CDH13: variants seen among roughly 807,000 people sequenced by gnomAD.
CDH13 encodes the protein cadherin 13, also known as cadherin-13.
A neutral mutation model predicts 63.8 loss-of-function variants in CDH13; 24 were observed. That is an observed-to-expected ratio of 0.38 (90% confidence interval 0.27 to 0.53). The LOEUF is 0.53. CDH13 is among the 20% of genes least tolerant of loss of function. The pLI, the probability that CDH13 is intolerant of heterozygous loss-of-function variation, is 0.85. For synonymous variants in CDH13, 503 were observed against 355.3 expected, an observed-to-expected ratio of 1.42 and a Z score of -4.67; for missense variants, 1,049 against 903.1, an observed-to-expected ratio of 1.16 and a Z score of -2.07.
At chr16:83,612,115 A>G (rs965169200) in intron 8 of CDH13, among the ~76,000 whole-genome samples, 1 of 152,096 alleles carries the variant, frequency 6.6e-6, no homozygotes, top group Non-Finnish European at 1.5e-5. Flanking sequence ...GTGATATGAT[A>G]TCTATAATTA....
chr16:82,895,298 C>T (rs142013235), intron 2 of CDH13, among the ~76,000 whole-genome samples: 20 of 152,316 alleles, frequency 1.3e-4, no homozygotes, highest in African/African-American at 4.8e-4. Context: ...GACACCCACA[C>T]ATATACTCAA....
At chr16:82,655,536 T>G (rs975367500) in intron 1 of CDH13, among the ~76,000 whole-genome samples, 8 of 151,980 alleles carry the variant, frequency 5.3e-5, no homozygotes, top group African/African-American at 1.7e-4. Flanking sequence ...GGAGGCAGAT[T>G]AGGCTGCAGG....
chr16:82,988,737 G>T (rs1268791284), intron 2 of CDH13, among the ~76,000 whole-genome samples: 1 of 149,904 alleles, frequency 6.7e-6, no homozygotes, highest in Non-Finnish European at 1.5e-5. Context: ...ACTCCAGCCT[G>T]GGAGACAGAG....
At chr16:83,618,413 A>C (rs1198206981) in intron 8 of CDH13, among the ~76,000 whole-genome samples, 1 of 149,962 alleles carries the variant, frequency 6.7e-6, no homozygotes, top group African/African-American at 2.5e-5. Flanking sequence ...GAACAGAGAG[A>C]GACTCCAAAA....
intron 5 of CDH13, among the ~76,000 whole-genome samples, chr16:83,267,302 C>A (rs767501384): frequency 6.6e-6 from 1 of 152,160 alleles, no homozygotes; most frequent in African/African-American, 2.4e-5. Context: ...GGTTCTCTCC[C>A]TCTTCCTGCT....
intron 2 of CDH13, among the ~76,000 whole-genome samples, chr16:83,011,109 C>T (rs1405748242): frequency 1.3e-5 from 2 of 152,136 alleles, no homozygotes; most frequent in Non-Finnish European, 2.9e-5. Flanking sequence ...ATCTTTGGGG[C>T]TCAGTTTACT....
intron 6 of CDH13, among the ~76,000 whole-genome samples, chr16:83,406,101 C>T (rs1597946087): frequency 6.6e-6 from 1 of 152,148 alleles, no homozygotes; most frequent in Non-Finnish European, 1.5e-5. Context: ...AGCTAATGTC[C>T]TCAGAGGTGA....
intron 1 of CDH13, among the ~76,000 whole-genome samples, chr16:82,820,846 A>C (rs950013630): frequency 1.2e-4 from 19 of 152,206 alleles, no homozygotes; most frequent in African/African-American, 4.6e-4. Flanking sequence ...GGAGTATAAC[A>C]ACCAACGTTT....
chr16:83,620,174 C>T (rs1408551208), intron 8 of CDH13, among the ~76,000 whole-genome samples: 2 of 151,956 alleles, frequency 1.3e-5, no homozygotes, highest in African/African-American at 4.8e-5. Flanking sequence ...GGGTGGATCA[C>T]GAGGTCAAGA....
At chr16:82,860,256 G>A (rs1423687621) in intron 2 of CDH13, among the ~76,000 whole-genome samples, 1 of 151,998 alleles carries the variant, frequency 6.6e-6, no homozygotes, top group African/African-American at 2.4e-5. Flanking sequence ...GATTGCTTCT[G>A]TAATCTTCAC....
intron 5 of CDH13, among the ~76,000 whole-genome samples, chr16:83,301,282 C>T (rs2089736243): frequency 6.6e-6 from 1 of 152,074 alleles, no homozygotes; most frequent in Non-Finnish European, 1.5e-5. Flanking sequence ...CCGCCCGCCT[C>T]AGCCTCCCAA....
intron 7 of CDH13, chr16:83,508,545 G>C (rs1381724103): frequency 6.6e-6 from 1 of 152,538 alleles, no homozygotes; most frequent in Non-Finnish European, 1.5e-5. Context: ...CCAGGGAACA[G>C]CCATCAGCCT....
intron 8 of CDH13, among the ~76,000 whole-genome samples, chr16:83,604,446 A>G (rs907946542): frequency 1.3e-5 from 2 of 152,228 alleles, no homozygotes; most frequent in Admixed American, 6.5e-5. Context: ...AATGAAAAAA[A>G]TATACTTCAG....
chr16:83,486,695 G>A (rs775935499), intron 7 of CDH13, 40 bp downstream of exon 7: 1 of 1,591,698 alleles, frequency 6.3e-7, no homozygotes, highest in South Asian at 1.1e-5. Flanking sequence ...CACGAGAATA[G>A]AATGTGGCTT....
chr16:82,835,914 G>A (rs1429288834), intron 1 of CDH13, among the ~76,000 whole-genome samples: 1 of 152,132 alleles, frequency 6.6e-6, no homozygotes, highest in African/African-American at 2.4e-5. Flanking sequence ...ACACCCCCAG[G>A]AGAAAACAGC....
At chr16:83,624,236 C>G (rs1472607199) in intron 8 of CDH13, among the ~76,000 whole-genome samples, 5 of 152,168 alleles carry the variant, frequency 3.3e-5, no homozygotes, top group African/African-American at 9.6e-5. Context: ...CACATCCTCT[C>G]TCCCAGATCC....
chr16:82,791,618 C>T (rs1215356733), intron 1 of CDH13, among the ~76,000 whole-genome samples: 3 of 152,200 alleles, frequency 2.0e-5, no homozygotes, highest in African/African-American at 7.2e-5. Flanking sequence ...TTGTTTGCTG[C>T]CGTCGCAGAC....
chr16:82,637,649 G>T (rs1040634174), intron 1 of CDH13: 3 of 151,010 alleles, frequency 2.0e-5, no homozygotes, highest in Non-Finnish European at 4.4e-5. Flanking sequence ...GTGTTAGCCA[G>T]GATGGTCTCG....
intron 2 of CDH13, among the ~76,000 whole-genome samples, chr16:82,888,132 G>A (rs1190539588): frequency 1.3e-5 from 2 of 152,166 alleles, no homozygotes; most frequent in African/African-American, 4.8e-5. Flanking sequence ...GTTCCAAAAA[G>A]CACCGAACAA....
Sources: gnomAD v4.1 joint callset for allele counts (sites outside exome capture counted in the v4.1 genomes callset) on GRCh38, gnomAD v4.1.1 for gene constraint, MANE v1.5 for transcripts, NCBI Gene and HGNC (gene_info 2026-07-23, HGNC 2026-07-21) for gene names.